The following DGKG variants were observed in gnomAD, a reference collection of about 807,000 sequenced individuals.
DGKG encodes DAG kinase gamma.
DGKG carries 78 observed loss-of-function variants against 105.3 expected under a neutral mutation model. The ratio of observed to expected loss-of-function variants is 0.74; its 90% CI spans 0.62 to 0.89. The LOEUF (loss-of-function observed/expected upper bound fraction) is 0.89, where lower values mean the gene tolerates loss of function less well. Among genes scored for constraint, DGKG ranks in the 40% least tolerant of loss-of-function variants. The pLI is 0.00. For synonymous variants in DGKG, 346 were observed against 367.1 expected, an observed-to-expected ratio of 0.94 and a Z score of 0.66; for missense variants, 958 against 1,020.1, an observed-to-expected ratio of 0.94 and a Z score of 0.83.
At chr3:186,250,895 ACT>A (rs1721190828) in intron 19 of DGKG, among the ~76,000 whole-genome samples, 4 of 151,524 alleles carry the variant, frequency 2.6e-5, no homozygotes, top group Non-Finnish European at 5.9e-5. Flanking sequence ...TCTTTGTTGC[ACT>A]CCCACCCCCT....
At chr3:186,261,203 A>T (rs1721757412) in intron 15 of DGKG, among the ~76,000 whole-genome samples, 1 of 152,252 alleles carries the variant, frequency 6.6e-6, no homozygotes, top group African/African-American at 2.4e-5. Flanking sequence ...ATTGGGAGGC[A>T]GAGCTGCTTT....
chr3:186,192,971 A>G (rs1363598219), intron 21 of DGKG, among the ~76,000 whole-genome samples: 2 of 152,076 alleles, frequency 1.3e-5, no homozygotes, highest in Non-Finnish European at 2.9e-5. Flanking sequence ...CTCCATCTCT[A>G]TCCATAGCCA....
chr3:186,349,152 G>A lies in DGKG; in HGVS notation c.-249+12794C>T, dbSNP rs1726504117. On this transcript the variant is annotated intron_variant, in intron 1 of 24. Coordinates refer to ENST00000265022, the MANE Select transcript of DGKG (RefSeq NM_001346.3). ...CATGTCACGATCTTGGCTCACTACA[G>A]CCTTGACCTTCTGGGCTTAAGCAAT... Among the ~76,000 whole-genome samples the A allele has an allele frequency of 2.0e-5, 3 of 151,726 alleles. No homozygotes were observed. The South Asian group carries it at 6.2e-4, about 32-fold the overall frequency.
At chr3:186,341,584 T>C (rs913514180) in intron 1 of DGKG, among the ~76,000 whole-genome samples, 2 of 152,230 alleles carry the variant, frequency 1.3e-5, no homozygotes, top group East Asian at 3.8e-4. Flanking sequence ...AGGTACCTGG[T>C]GACACGTACA....
At chr3:186,354,223 C>T (rs557354189) in intron 1 of DGKG, among the ~76,000 whole-genome samples, 2 of 152,064 alleles carry the variant, frequency 1.3e-5, no homozygotes, top group Non-Finnish European at 2.9e-5. Flanking sequence ...GTCAGGGGCA[C>T]GACGGAGCTG....
chr3:186,211,181 C>A (rs759672), intron 21 of DGKG, among the ~76,000 whole-genome samples: 2 of 152,224 alleles, frequency 1.3e-5, no homozygotes, highest in African/African-American at 4.8e-5. Context: ...AAAATGCCAG[C>A]TTCTTTGTTA....
chr3:186,249,994 G>A (rs1721128725), intron 19 of DGKG, among the ~76,000 whole-genome samples: 4 of 152,164 alleles, frequency 2.6e-5, no homozygotes, highest in Admixed American at 2.6e-4. Flanking sequence ...GTATCACAGA[G>A]TCTGGGGCAG....
intron 24 of DGKG, among the ~76,000 whole-genome samples, chr3:186,157,417 CT>C (rs1302058541): frequency 6.6e-6 from 1 of 151,976 alleles, no homozygotes; most frequent in African/African-American, 2.4e-5. Flanking sequence ...AGTCTATAGT[CT>C]ATAGTCTTCT....
intron 3 of DGKG, among the ~76,000 whole-genome samples, chr3:186,300,609 G>T (rs896312205): frequency 1.3e-5 from 2 of 151,906 alleles, no homozygotes; most frequent in Admixed American, 6.6e-5. Context: ...TTGTCTCTTT[G>T]TACCACTTTA....
chr3:186,232,188 C>T (rs938234567), intron 20 of DGKG, among the ~76,000 whole-genome samples: 2 of 152,130 alleles, frequency 1.3e-5, no homozygotes, highest in African/African-American at 2.4e-5. Flanking sequence ...TGAACAAAAG[C>T]GTTGGGACTT....
chr3:186,179,535 A>G (rs1405042480), intron 22 of DGKG, among the ~76,000 whole-genome samples: 1 of 152,178 alleles, frequency 6.6e-6, no homozygotes, highest in African/African-American at 2.4e-5. Context: ...TTATCCAGGG[A>G]ACAAAATCAT....
chr3:186,166,858 T>G (rs1176149587), intron 22 of DGKG, among the ~76,000 whole-genome samples: 2 of 152,186 alleles, frequency 1.3e-5, no homozygotes, highest in African/African-American at 4.8e-5. Context: ...TACCAGGCTT[T>G]GGTGTCTGAT....
In DGKG at chr3:186,357,904, G is replaced by A. The variant is rs116763946; in HGVS notation, c.-249+4042C>T. 9.6e-3 allele frequency among the ~76,000 whole-genome samples: 1,460 copies of A among 152,306 alleles called. 22 individuals are homozygous for A. Among genetic ancestry groups the A allele is most frequent in the African/African-American group, 0.034 (1,398 of 41,546 alleles). The stretch of plus-strand genomic sequence containing the variant: ...GCCAGAAATCACATGCTGCATGTAA[G>A]CACTAGCAATGTGACTGGTGTGACC... On this transcript the variant is annotated intron_variant, in intron 1 of 24. Coordinates refer to ENST00000265022, the MANE Select transcript of DGKG (RefSeq NM_001346.3).
chr3:186,150,336 G>T, intron 24 of DGKG, 148 bp from the exon 25 acceptor site: 1 of 1,065,474 alleles, frequency 9.4e-7, no homozygotes, highest in Non-Finnish European at 1.3e-6. Flanking sequence ...TTCAAAATTG[G>T]CAACTTGACC....
intron 20 of DGKG, among the ~76,000 whole-genome samples, chr3:186,232,453 A>C (rs1720198298): frequency 6.6e-6 from 1 of 152,238 alleles, no homozygotes; most frequent in African/African-American, 2.4e-5. Context: ...TGAATGACTT[A>C]TATAAAGAAA....
intron 3 of DGKG, among the ~76,000 whole-genome samples, chr3:186,301,756 T>C (rs1560143064): frequency 6.6e-6 from 1 of 152,236 alleles, no homozygotes; most frequent in South Asian, 2.1e-4. Context: ...GGAAATTAGA[T>C]GAATGTAAAT....
Position 186,336,559 on chromosome 3 carries a change from G to A in DGKG, c.-248-15852C>T, listed in dbSNP as rs548748881. Among the ~76,000 whole-genome samples, 8 of 152,230 alleles carry A rather than the reference G, an allele frequency of 5.3e-5. No individual in the cohort carries two copies. The South Asian group carries it at 6.2e-4, about 12-fold the overall frequency. ...AAGAAGCTAAAAAAGGGACACAAAC[G>A]AAATCTAAGTGAAGCCAGAGAGGGC... is the stretch of plus-strand genomic sequence containing the variant. On this transcript the variant is annotated intron_variant, in intron 1 of 24. Transcript: ENST00000265022.
In DGKG at chr3:186,267,152, T is replaced by C. The variant is rs529910414; in HGVS notation, c.1209+533A>G. 8.5e-5 allele frequency among the ~76,000 whole-genome samples: 13 copies of C among 152,164 alleles called. No individual in the cohort carries two copies. In the South Asian group the frequency reaches 2.7e-3, roughly 32 times the overall value. On this transcript the variant is annotated intron_variant, in intron 13 of 24. Coordinates refer to ENST00000265022, the MANE Select transcript of DGKG (RefSeq NM_001346.3). ...CTCAGGAAGTAGAGGGAGATACTGT[T>C]TGGATGTGGCAGGGAGATTGACAGA...
intron 22 of DGKG, among the ~76,000 whole-genome samples, chr3:186,166,753 G>A (rs1716567856): frequency 6.6e-6 from 1 of 151,992 alleles, no homozygotes; most frequent in Admixed American, 6.6e-5. Context: ...GAGGGTTGAT[G>A]TTGGGATAGG....
Sources: gnomAD v4.1 joint callset for allele counts (sites outside exome capture counted in the v4.1 genomes callset) on GRCh38, gnomAD v4.1.1 for gene constraint, MANE v1.5 for transcripts, NCBI Gene and HGNC (gene_info 2026-07-23, HGNC 2026-07-21) for gene names.